Variants in IHO1 observed in about 807,000 individuals in gnomAD.
The protein encoded by IHO1 is interactor of HORMAD1 1.
In IHO1, 13 loss-of-function variants were observed where a neutral mutation model predicts 31.0. The observed-to-expected ratio is 0.42, with a 90% confidence interval of 0.27 to 0.67. IHO1 has a LOEUF of 0.67. Ranked by LOEUF, IHO1 falls within the 30% of genes least tolerant of loss-of-function variation. The pLI is 0.24. For missense variants in IHO1, 599 were observed against 687.5 expected, an observed-to-expected ratio of 0.87 and a Z score of 1.44; for synonymous variants, 221 against 248.4, an observed-to-expected ratio of 0.89 and a Z score of 1.04.
rs1373591224 is a variant in IHO1 at position 49,200,467 on chromosome 3, A to G, written c.-16+894A>G. 264 of 331,018 alleles carry G rather than the reference A, an allele frequency of 8.0e-4. 7 individuals carry two copies. Among genetic ancestry groups the G allele is most frequent in the East Asian group, 6.0e-3 (7 of 1,168 alleles). The allele number at this position is 331,018 out of a possible 1,614,324, so 20.5% of individuals were successfully genotyped here. Reference sequence around the variant, plus strand: ...GCGACAGAGTGAGACTCGGTCTCAAAAAAAAAAAAAAGAAAGAAAGAAAGA... The same window carrying G: ...GCGACAGAGTGAGACTCGGTCTCAAGAAAAAAAAAAAGAAAGAAAGAAAGA... On this transcript the variant is annotated intron_variant, in intron 1 of 7. Transcript: ENST00000452691.
intron 1 of IHO1, among the ~76,000 whole-genome samples, chr3:49,208,583 C>T (rs1342635422): frequency 6.6e-6 from 1 of 152,174 alleles, no homozygotes; most frequent in Non-Finnish European, 1.5e-5. Flanking sequence ...AACTGCTGCC[C>T]TAGGACTCAA....
chr3:49,244,577 T>G, intron 5 of IHO1, 69 bp from the exon 6 acceptor site: 1 of 1,442,864 alleles, frequency 6.9e-7, no homozygotes, highest in South Asian at 1.2e-5. Flanking sequence ...TATCATGAAA[T>G]GACAATTCTC....
At chr3:49,200,421 C>T (rs1388977510) in intron 1 of IHO1, 19 of 224,952 alleles carry the variant, frequency 8.4e-5, no homozygotes, top group South Asian at 3.4e-4. Flanking sequence ...GCTGAGATCG[C>T]GCCACTGCAC....
chr3:49,213,291 C>T (rs2046245235), intron 2 of IHO1, among the ~76,000 whole-genome samples: 1 of 152,106 alleles, frequency 6.6e-6, no homozygotes, highest in African/African-American at 2.4e-5. Context: ...GTTGTATTTA[C>T]AATTCCTTAG....
upstream of IHO1, among the ~76,000 whole-genome samples, chr3:49,196,087 A>G (rs2045994566): frequency 1.3e-5 from 2 of 151,380 alleles, no homozygotes; most frequent in Admixed American, 6.6e-5. Context: ...CACAAAAAGA[A>G]ATTAGTTGGG....
chr3:49,228,712 G>A (rs1355101749), intron 2 of IHO1, among the ~76,000 whole-genome samples: 3 of 152,164 alleles, frequency 2.0e-5, no homozygotes, highest in African/African-American at 7.2e-5. Context: ...TTGTGGTCTT[G>A]CTGACTTCAG....
intron 3 of IHO1, among the ~76,000 whole-genome samples, chr3:49,237,377 C>A (rs540265674): frequency 5.3e-5 from 8 of 152,150 alleles, no homozygotes; most frequent in Middle Eastern, 3.4e-3. Context: ...AAAAACCCGA[C>A]AACCAATACT....
chr3:49,212,245 G>A (rs908916674), intron 2 of IHO1, among the ~76,000 whole-genome samples: 3 of 150,580 alleles, frequency 2.0e-5, no homozygotes, highest in Non-Finnish European at 4.4e-5. Flanking sequence ...GGTAGCTCAC[G>A]CCTATAATCC....
chr3:49,213,499 G>A (rs1559439242), intron 2 of IHO1, among the ~76,000 whole-genome samples: 2 of 152,236 alleles, frequency 1.3e-5, no homozygotes, highest in Non-Finnish European at 2.9e-5. Context: ...CACTGGGGCC[G>A]CAGGCGGAGC....
At chr3:49,249,687 T>G (rs756502877) in intron 6 of IHO1, among the ~76,000 whole-genome samples, 4 of 152,244 alleles carry the variant, frequency 2.6e-5, no homozygotes, top group Non-Finnish European at 5.9e-5. Flanking sequence ...ATCTGTTCAT[T>G]GTTAAATTAA....
At chr3:49,212,532 A>T (rs2107688014) in intron 2 of IHO1, among the ~76,000 whole-genome samples, 1 of 151,626 alleles carries the variant, frequency 6.6e-6, no homozygotes, top group East Asian at 1.9e-4. Context: ...AAAAAAAAAA[A>T]GAGGGTTCCC....
At chr3:49,244,374 AT>A in intron 4 of IHO1, 29 bp from the exon 5 acceptor site, 1 of 1,323,040 alleles carries the variant, frequency 7.6e-7, no homozygotes, top group Non-Finnish European at 1.1e-6. Flanking sequence ...TTTCATAAAG[AT>A]TTGTTTTCTT....
At chr3:49,199,009 C>T (rs966876627), upstream of IHO1, 3 of 152,710 alleles carry the variant, frequency 2.0e-5, no homozygotes, top group African/African-American at 7.2e-5. Context: ...CCACCAGTTC[C>T]ACCCCACATG....
chr3:49,244,457 G>A lies in IHO1; in HGVS notation c.444+5G>A. 6.5e-7 allele frequency: 1 copy of A among 1,544,494 alleles called. No individual in the cohort carries two copies. The highest frequency in any genetic ancestry group is 8.8e-7 in the Non-Finnish European group (1 of 1,133,222). ...GTTAGAGAAAGCATTCTCAGGGTAA[G>A]TACAGATACTTTTCAAGGAGTTAGA... On this transcript the variant is annotated splice_donor_5th_base_variant and intron_variant, in intron 5 of 7. Transcript: ENST00000452691.
rs2046838730 is a variant in IHO1, at chr3:49,257,338, G to C, written c.*56G>C. Reference sequence around the variant, plus strand: ...TAGAAAGAGAAATTGCAGGACATTTGGGCTGGCCAACAGCAGAAAGTCCCT... The same window carrying C: ...TAGAAAGAGAAATTGCAGGACATTTCGGCTGGCCAACAGCAGAAAGTCCCT... On this transcript the variant is annotated 3_prime_UTR_variant, in exon 8 of 8. Coordinates refer to ENST00000452691, the MANE Select transcript of IHO1 (RefSeq NM_001135197.2). 3 of 1,537,280 alleles carry C rather than the reference G, an allele frequency of 2.0e-6. No individual in the cohort carries two copies. The highest frequency in any genetic ancestry group is 2.7e-6 in the Non-Finnish European group (3 of 1,129,714).
intron 4 of IHO1, among the ~76,000 whole-genome samples, chr3:49,241,983 G>A (rs1378532296): frequency 6.7e-6 from 1 of 150,014 alleles, no homozygotes; most frequent in Admixed American, 6.7e-5. Context: ...CACTCTTGTT[G>A]TCCAGACTGG....
intron 2 of IHO1, among the ~76,000 whole-genome samples, chr3:49,220,233 G>A (rs2107697941): frequency 6.6e-6 from 1 of 152,354 alleles, no homozygotes; most frequent in African/African-American, 2.4e-5. Context: ...GAAATGCCAT[G>A]AGGGTCCCGT....
At chr3:49,243,024 A>AT (rs1218732781) in intron 4 of IHO1, among the ~76,000 whole-genome samples, 11 of 150,848 alleles carry the variant, frequency 7.3e-5, no homozygotes, top group Non-Finnish European at 3.0e-5. Context: ...CCCAATAGCT[A>AT]TTTTTTTTTC....
At chr3:49,235,682 C>T (rs1005360883) in intron 2 of IHO1, among the ~76,000 whole-genome samples, 4 of 151,850 alleles carry the variant, frequency 2.6e-5, no homozygotes, top group Admixed American at 6.6e-5. Flanking sequence ...CATCCCAGCA[C>T]TTTGGGAGCC....
Sources: allele counts gnomAD v4.1 joint callset (sites outside exome capture counted in the v4.1 genomes callset), GRCh38; gene constraint gnomAD v4.1.1; transcripts MANE v1.5; gene names NCBI Gene and HGNC (gene_info 2026-07-23, HGNC 2026-07-21).